The following SLC12A2 variants were observed in gnomAD, a reference collection of about 807,000 sequenced individuals.
SLC12A2 encodes the protein solute carrier family 12 member 2.
Under a neutral mutation model 136.3 loss-of-function variants are expected in SLC12A2, and 67 were observed. The observed-to-expected ratio is 0.49, with a 90% CI of 0.40 to 0.60. The LOEUF (loss-of-function observed/expected upper bound fraction) is 0.60, where lower values mean the gene tolerates loss of function less well. Ranked by LOEUF, SLC12A2 falls within the 20% of genes least tolerant of loss-of-function variation. The pLI, the probability that SLC12A2 is intolerant of heterozygous loss-of-function variation, is 0.00. For missense variants in SLC12A2, 1,322 were observed against 1,534.7 expected, an observed-to-expected ratio of 0.86 and a Z score of 2.32; for synonymous variants, 619 against 562.9, an observed-to-expected ratio of 1.10 and a Z score of -1.41.
intron 4 of SLC12A2, among the ~76,000 whole-genome samples, chr5:128,124,844 C>T (rs1420249981): frequency 6.6e-6 from 1 of 152,122 alleles, no homozygotes; most frequent in Non-Finnish European, 1.5e-5. Flanking sequence ...ATAGTTGTTC[C>T]TCTAGCAACT....
chr5:128,112,685 C>T, intron 1 of SLC12A2, 129 bp from the exon 2 acceptor site: 1 of 581,530 alleles, frequency 1.7e-6, no homozygotes, highest in Non-Finnish European at 2.8e-6. Context: ...TATTTGGAAA[C>T]CCTTGATTCT....
intron 1 of SLC12A2, among the ~76,000 whole-genome samples, chr5:128,099,101 A>G (rs1010138609): frequency 6.6e-6 from 1 of 152,090 alleles, no homozygotes; most frequent in African/African-American, 2.4e-5. Flanking sequence ...CCATGCACAT[A>G]CAGTCGTATG....
chr5:128,109,114 A>C (rs1258250911), intron 1 of SLC12A2, among the ~76,000 whole-genome samples: 1 of 152,254 alleles, frequency 6.6e-6, no homozygotes, highest in Non-Finnish European at 1.5e-5. Flanking sequence ...TATGTCTATT[A>C]ATGAAAACAT....
chr5:128,167,859 C>G lies in SLC12A2; in HGVS notation c.2715C>G (p.Asn905Lys), dbSNP rs532290202. The change falls in exon 18 of 27, where the codon AAC becomes AAG. Residue 905 changes from asparagine to lysine, a missense_variant. Asn to Lys is a moderately conservative substitution (Grantham distance 94). Transcript: ENST00000262461. ...ADMRDVDMYI[N>K]LFHDAFDIQY... ...TGAGGGATGTGGATATGTATATAAA[C>G]TTATTTCAGTAAGTATCTTTTTAAT... The G allele has an allele frequency of 1.1e-4, 169 of 1,521,942 alleles. 1 individual carries two copies. The South Asian group carries it at 2.0e-3, about 18-fold the overall frequency. 94.3% of individuals were successfully genotyped at this position (1,521,942 alleles called of 1,614,324 possible). A position where few individuals can be genotyped will look rare whatever the true frequency, so the allele number is the denominator to read the frequency against.
At chr5:128,173,079 CT>C (rs1364502282) in intron 19 of SLC12A2, among the ~76,000 whole-genome samples, 5 of 152,032 alleles carry the variant, frequency 3.3e-5, no homozygotes, top group Non-Finnish European at 7.4e-5. Flanking sequence ...CATATTACCC[CT>C]ATCAATTAAT....
At chr5:128,147,543 G>T (rs888453248) in intron 10 of SLC12A2, 79 bp from the exon 11 acceptor site, 1 of 865,320 alleles carries the variant, frequency 1.2e-6, no homozygotes, top group Non-Finnish European at 1.9e-6. Context: ...CCTCCTTCAA[G>T]ATGTGACCAC....
rs936258684 is a variant in SLC12A2, at chr5:128,186,938, T to C, written c.*307T>C. On this transcript the variant is annotated 3_prime_UTR_variant, in exon 27 of 27. Transcript: ENST00000262461. Reference sequence around the variant, plus strand: ...TTAACTTTTTGATTGATGAAAGAAGTACAAAAAGCCTTTAGCCTTGAGGTG... The same window carrying C: ...TTAACTTTTTGATTGATGAAAGAAGCACAAAAAGCCTTTAGCCTTGAGGTG... 2 of 212,324 alleles carry C rather than the reference T, an allele frequency of 9.4e-6. No homozygotes were observed. Among genetic ancestry groups the C allele is most frequent in the Non-Finnish European group, 1.9e-5 (2 of 106,526 alleles). 13.2% of individuals were successfully genotyped at this position (212,324 alleles called of 1,614,324 possible). A position where few individuals can be genotyped will look rare whatever the true frequency, so the allele number is the denominator to read the frequency against.
At chr5:128,126,941 C>CATATATAT (rs1243756791) in intron 4 of SLC12A2, among the ~76,000 whole-genome samples, 7 of 41,006 alleles carry the variant, frequency 1.7e-4, no homozygotes, top group African/African-American at 8.6e-4. Flanking sequence ...TCACAACCTA[C>CATATATAT]ATATATATAT....
At chr5:128,127,272 C>T (rs1250080991) in intron 4 of SLC12A2, among the ~76,000 whole-genome samples, 2 of 151,332 alleles carry the variant, frequency 1.3e-5, no homozygotes, top group South Asian at 2.1e-4. Context: ...CAGGCACCCG[C>T]CACCACGCCC....
chr5:128,137,111 C>A (rs1464416995), intron 7 of SLC12A2, among the ~76,000 whole-genome samples: 1 of 152,148 alleles, frequency 6.6e-6, no homozygotes, highest in Non-Finnish European at 1.5e-5. Context: ...GTCCATTGTC[C>A]ACACAACATT....
chr5:128,126,647 A>G (rs1761805429), intron 4 of SLC12A2, among the ~76,000 whole-genome samples: 1 of 152,116 alleles, frequency 6.6e-6, no homozygotes, highest in Non-Finnish European at 1.5e-5. Flanking sequence ...TTTTTCTTTC[A>G]AATCTCTAGG....
intron 14 of SLC12A2, among the ~76,000 whole-genome samples, chr5:128,152,101 T>A (rs1302866376): frequency 6.6e-6 from 1 of 151,936 alleles, no homozygotes; most frequent in African/African-American, 2.4e-5. Flanking sequence ...ATTACAAGAG[T>A]AGTTTCAATA....
intron 22 of SLC12A2, among the ~76,000 whole-genome samples, chr5:128,179,007 T>G (rs571531995): frequency 1.3e-5 from 2 of 152,210 alleles, no homozygotes; most frequent in Non-Finnish European, 2.9e-5. Context: ...GTTATCTACC[T>G]TTGGCAGAAA....
chr5:128,179,272 C>A (rs1261532154), intron 22 of SLC12A2, among the ~76,000 whole-genome samples: 1 of 152,128 alleles, frequency 6.6e-6, no homozygotes, highest in Non-Finnish European at 1.5e-5. Flanking sequence ...GATGTTTCTG[C>A]CTGAATGTAT....
In SLC12A2 at chr5:128,189,227, T is replaced by C. The variant is rs1763969360; in HGVS notation, c.*2596T>C. 1 of 152,202 alleles carries C rather than the reference T, an allele frequency of 6.6e-6. No individual in the cohort carries two copies. The highest frequency in any genetic ancestry group is 2.4e-5 in the African/African-American group (1 of 41,462). 9.4% of individuals were successfully genotyped at this position (152,202 alleles called of 1,614,324 possible). Reference sequence around the variant, plus strand: ...AAGCTAAAAATAGCTTTATTTATGCTGAATTGTGATTTTTTTATGCCAAAT... The same window carrying C: ...AAGCTAAAAATAGCTTTATTTATGCCGAATTGTGATTTTTTTATGCCAAAT... On this transcript the variant is annotated 3_prime_UTR_variant, in exon 27 of 27. Coordinates refer to ENST00000262461, the MANE Select transcript of SLC12A2 (RefSeq NM_001046.3).
intron 5 of SLC12A2, 54 bp from the exon 6 acceptor site, chr5:128,134,111 A>G (rs13174185): frequency 2.2e-6 from 2 of 891,284 alleles, no homozygotes; most frequent in African/African-American, 3.3e-5. Flanking sequence ...AGGAGTGTGA[A>G]TGTGTATAAA....
In SLC12A2 at chr5:128,134,167, A is replaced by G. The variant is rs2228112; in HGVS notation, c.1191A>G (p.Glu397=). The G allele has an allele frequency of 0.24, 364,086 of 1,498,932 alleles. 52,196 individuals carry two copies. The highest frequency in any genetic ancestry group is 0.63 in the African/African-American group (45,707 of 72,032). 92.9% of individuals were successfully genotyped at this position (1,498,932 alleles called of 1,614,324 possible). ...FAETVVELLK[E]HSILMIDEIN... is the part of the protein sequence containing the mutation. ...ATATTTATGATTCCTTTTTCTAGGA[A>G]CATTCCATACTTATGATAGATGAAA... The change falls in exon 6 of 27, where the codon GAA becomes GAG. Residue 397 remains glutamate (E), a splice_region_variant and synonymous_variant. Coordinates refer to ENST00000262461, the MANE Select transcript of SLC12A2 (RefSeq NM_001046.3).
chr5:128,132,629 G>T (rs1041417039), intron 5 of SLC12A2, among the ~76,000 whole-genome samples: 1 of 151,990 alleles, frequency 6.6e-6, no homozygotes, highest in Admixed American at 6.6e-5. Context: ...ACCTATAATT[G>T]CTCATGTTAG....
At chr5:128,148,089 A>G (rs1274715250) in intron 11 of SLC12A2, among the ~76,000 whole-genome samples, 1 of 151,716 alleles carries the variant, frequency 6.6e-6, no homozygotes, top group Non-Finnish European at 1.5e-5. Context: ...AGTCAGTATG[A>G]TATCAACCTA....
Sources: allele counts gnomAD v4.1 joint callset (sites outside exome capture counted in the v4.1 genomes callset), GRCh38; gene constraint gnomAD v4.1.1; transcripts MANE v1.5; gene names NCBI Gene and HGNC (gene_info 2026-07-23, HGNC 2026-07-21).